SFI1: variants seen among roughly 807,000 people sequenced by gnomAD.
SFI1 encodes the protein SFI1 centrin binding protein, also known as protein SFI1 homolog.
Under a neutral mutation model 207.5 loss-of-function variants are expected in SFI1, and 195 were observed. The observed-to-expected ratio is 0.94, with a 90% confidence interval of 0.84 to 1.06. The LOEUF is 1.06. Among genes scored for constraint, SFI1 ranks in the 50% least tolerant of loss-of-function variants. The pLI is 0.00. For missense variants in SFI1, 1,634 were observed against 1,588.0 expected (o/e 1.03, Z -0.49); for synonymous variants, 630 against 598.9 (o/e 1.05, Z -0.76).
intron 4 of SFI1, among the ~76,000 whole-genome samples, chr22:31,542,684 C>G (rs1222852279): frequency 6.6e-6 from 1 of 151,748 alleles, no homozygotes; most frequent in Non-Finnish European, 1.5e-5. Flanking sequence ...TTCTTTGAGA[C>G]AGAGTCTCAC....
intron 17 of SFI1, among the ~76,000 whole-genome samples, chr22:31,603,228 G>A (rs533140566): frequency 6.6e-6 from 1 of 152,084 alleles, no homozygotes; most frequent in East Asian, 1.9e-4. Flanking sequence ...GCGAGACTCT[G>A]CCTCAAACGA....
intron 9 of SFI1, among the ~76,000 whole-genome samples, 194 bp downstream of exon 9, chr22:31,573,408 A>G (rs1395693841): frequency 6.6e-6 from 1 of 151,304 alleles, no homozygotes; most frequent in Non-Finnish European, 1.5e-5. Context: ...ATATATCTGT[A>G]TCTATATCTA....
chr22:31,556,962 C>T lies in SFI1; in HGVS notation c.565C>T (p.Gln189Ter). 6.2e-7 allele frequency: 1 copy of T among 1,606,758 alleles called. No homozygotes were observed. Among genetic ancestry groups the T allele is most frequent in the Non-Finnish European group, 8.5e-7 (1 of 1,175,888 alleles). Residue 189 changes from glutamine (Q) to a stop codon, truncating the protein, a stop_gained, in exon 7 of 33, where the codon CAG (glutamine) becomes TAG (stop). Coordinates refer to ENST00000400288, the MANE Select transcript of SFI1 (RefSeq NM_001007467.3). LOFTEE classifies it high-confidence loss of function. Reference protein sequence around the residue: ...EVHDAKQKMRQAWKSWLIYVV... With the variant: ...EVHDAKQKMR ...TCTAGATGCAAAGCAAAAGATGCGACAGGCCTGGAAGTCCTGGTTGATCTA... is the reference window on the plus strand; with the variant it reads ...TCTAGATGCAAAGCAAAAGATGCGATAGGCCTGGAAGTCCTGGTTGATCTA...
At chr22:31,609,982 T>G (rs912884864) in intron 22 of SFI1, among the ~76,000 whole-genome samples, 1 of 152,174 alleles carries the variant, frequency 6.6e-6, no homozygotes, top group Non-Finnish European at 1.5e-5. Flanking sequence ...TCTGAAGGAC[T>G]TTCCTTAGAG....
intron 15 of SFI1, among the ~76,000 whole-genome samples, chr22:31,590,975 A>ATTTTTTTTT (rs997391866): frequency 7.3e-6 from 1 of 137,244 alleles, no homozygotes; most frequent in Non-Finnish European, 1.6e-5. Context: ...TTATTTATTT[A>ATTTTTTTTT]TTTATTTTTT....
chr22:31,533,793 T>C (rs1157959904), intron 4 of SFI1, among the ~76,000 whole-genome samples: 1 of 151,968 alleles, frequency 6.6e-6, no homozygotes, highest in Admixed American at 6.6e-5. Context: ...GCTTTTTTTG[T>C]TGTTCATTGG....
At chr22:31,503,847 C>CCAAA (rs2054219117) in intron 1 of SFI1, among the ~76,000 whole-genome samples, 1 of 151,830 alleles carries the variant, frequency 6.6e-6, no homozygotes, top group African/African-American at 2.4e-5. Context: ...CTTCGGCCTC[C>CCAAA]CAAAGTTCTA....
At chr22:31,591,219 A>G (rs2065852875) in intron 15 of SFI1, among the ~76,000 whole-genome samples, 1 of 152,164 alleles carries the variant, frequency 6.6e-6, no homozygotes, top group Admixed American at 6.5e-5. Context: ...CACATCTTGC[A>G]CCGCCCTTGA....
intron 15 of SFI1, among the ~76,000 whole-genome samples, chr22:31,598,047 G>A (rs1340937219): frequency 1.3e-5 from 2 of 149,230 alleles, no homozygotes; most frequent in East Asian, 2.0e-4. Flanking sequence ...GCGTGATCTT[G>A]GCTCACTGCA....
At chr22:31,556,271 A>G (rs927609418) in intron 6 of SFI1, among the ~76,000 whole-genome samples, 21 of 145,276 alleles carry the variant, frequency 1.4e-4, no homozygotes, top group Non-Finnish European at 2.8e-4. Context: ...CGCCCAGGCT[A>G]GAGTGCAATG....
At chr22:31,580,542 C>CT (rs11347645) in intron 12 of SFI1, among the ~76,000 whole-genome samples, 178 bp downstream of exon 12, 7,779 of 117,236 alleles carry the variant, frequency 0.066, 345 homozygotes, top group Non-Finnish European at 0.097. Flanking sequence ...CTTTTCTTTT[C>CT]TTTTTTTTTT....
At chr22:31,594,781 G>A (rs1428971872) in intron 15 of SFI1, among the ~76,000 whole-genome samples, 2 of 149,200 alleles carry the variant, frequency 1.3e-5, no homozygotes, top group Non-Finnish European at 3.0e-5. Flanking sequence ...CATGAACCTG[G>A]GAGGCGGAGC....
intron 4 of SFI1, among the ~76,000 whole-genome samples, chr22:31,545,903 A>G (rs929448876): frequency 2.1e-5 from 2 of 96,512 alleles, no homozygotes; most frequent in African/African-American, 8.3e-5. Context: ...TTTTTTTTTA[A>G]TGTATTTGAG....
chr22:31,614,431 C>A (rs118063921), intron 27 of SFI1: 10,137 of 426,590 alleles, frequency 0.024, 164 homozygotes, highest in Non-Finnish European at 0.032. Context: ...GTGCATGGGG[C>A]CTGGGTCCCG....
At chr22:31,533,268 C>T (rs1220293293) in intron 4 of SFI1, among the ~76,000 whole-genome samples, 1 of 152,190 alleles carries the variant, frequency 6.6e-6, no homozygotes. Context: ...TGGCTCCTGC[C>T]TGTAATCCTA....
intron 1 of SFI1, among the ~76,000 whole-genome samples, chr22:31,504,459 A>T (rs893982776): frequency 6.6e-6 from 1 of 152,160 alleles, no homozygotes; most frequent in Non-Finnish European, 1.5e-5. Flanking sequence ...TCATTCTTTT[A>T]GAATGAAACA....
chr22:31,502,466 T>C (rs550366030), intron 1 of SFI1, among the ~76,000 whole-genome samples: 1 of 151,842 alleles, frequency 6.6e-6, no homozygotes, highest in South Asian at 2.1e-4. Context: ...CTCCACCTCC[T>C]GGGTTCAAGC....
intron 15 of SFI1, among the ~76,000 whole-genome samples, chr22:31,598,284 C>T (rs982087818): frequency 9.2e-5 from 14 of 151,612 alleles, no homozygotes; most frequent in African/African-American, 2.4e-4. Context: ...CATGCCCGGC[C>T]GAGTTTTCAT....
chr22:31,601,128 CTTTTTTTTTTTT>C (rs11354377), intron 15 of SFI1, among the ~76,000 whole-genome samples: 5 of 80,316 alleles, frequency 6.2e-5, no homozygotes, highest in Admixed American at 4.6e-4. Context: ...CTTTTCTTTA[CTTTTTTTTTTTT>C]TTTTTTTTTT....
Sources: allele counts gnomAD v4.1 joint callset (sites outside exome capture counted in the v4.1 genomes callset), GRCh38; gene constraint gnomAD v4.1.1; transcripts MANE v1.5; gene names NCBI Gene and HGNC (gene_info 2026-07-23, HGNC 2026-07-21).